SLC30A8: variants seen among roughly 807,000 people sequenced by gnomAD.
SLC30A8 encodes the protein solute carrier family 30 member 8, also known as proton-coupled zinc antiporter SLC30A8.
In SLC30A8, 27 loss-of-function variants were observed where a neutral mutation model predicts 36.9. That is an observed-to-expected ratio of 0.73 (90% CI 0.54 to 1.01). The LOEUF (loss-of-function observed/expected upper bound fraction) is 1.01, where lower values mean the gene tolerates loss of function less well. Ranked by LOEUF, SLC30A8 falls within the 50% of genes least tolerant of loss-of-function variation. The probability of loss-of-function intolerance (pLI) is 0.00; values close to 1 mark genes in which losing one functional copy is unlikely to be tolerated. For missense variants in SLC30A8, 439 were observed against 452.0 expected (o/e 0.97, Z 0.26); for synonymous variants, 164 against 172.4 (o/e 0.95, Z 0.38).
intron 1 of SLC30A8, among the ~76,000 whole-genome samples, chr8:116,954,055 T>G (rs3020110): frequency 1.2e-4 from 18 of 151,984 alleles, no homozygotes; most frequent in Admixed American, 8.5e-4. Context: ...AGTCCTAACT[T>G]AGAAATAATT....
intron 2 of SLC30A8, among the ~76,000 whole-genome samples, chr8:117,055,533 A>G (rs768597197): frequency 1.3e-4 from 20 of 152,208 alleles, no homozygotes; most frequent in Non-Finnish European, 2.5e-4. Context: ...TTTGATTTAG[A>G]TTACAAATGT....
intron 1 of SLC30A8, among the ~76,000 whole-genome samples, chr8:116,965,658 ATTAGT>A (rs1202858928): frequency 6.6e-6 from 1 of 152,140 alleles, no homozygotes; most frequent in East Asian, 1.9e-4. Flanking sequence ...CATCTTCTGA[ATTAGT>A]TTAGTTTATT....
chr8:117,015,014 A>AATAT lies in SLC30A8; in HGVS notation c.-265-24193_-265-24190dup, dbSNP rs34748748. 8.9e-3 allele frequency among the ~76,000 whole-genome samples: 1,314 copies of AATAT among 147,668 alleles called. 21 individuals carry two copies. Among genetic ancestry groups the AATAT allele is most frequent in the African/African-American group, 0.026 (1,061 of 40,352 alleles). ...CAACTATATATCTATATATATTACA[A>AATAT]ATATATATATATATAGATATACCGA... On this transcript the variant is annotated intron_variant, in intron 1 of 10. Coordinates refer to the SLC30A8 transcript ENST00000427715.
In SLC30A8 at chr8:116,978,230, T is replaced by C. The variant is rs1426144223; in HGVS notation, c.-266+27111T>C. ...TTAGCCTGGTACCTTGCATATTGTATTTTTTTTAGTCAGTGTTTGATATTA... is the reference window on the plus strand; with the variant it reads ...TTAGCCTGGTACCTTGCATATTGTACTTTTTTTAGTCAGTGTTTGATATTA... On this transcript the variant is annotated intron_variant, in intron 1 of 10. Transcript: ENST00000427715. Among the ~76,000 whole-genome samples the C allele has an allele frequency of 2.0e-5, 3 of 151,956 alleles. No individual in the cohort carries two copies. The East Asian group carries it at 5.8e-4, about 29-fold the overall frequency.
chr8:117,124,419 T>C (rs1238715766), intron 2 of SLC30A8, among the ~76,000 whole-genome samples: 1 of 151,930 alleles, frequency 6.6e-6, no homozygotes, highest in Non-Finnish European at 1.5e-5. Context: ...TGCTGATTCA[T>C]TGTTACTATT....
chr8:117,126,988 T>G (rs1449673417), intron 2 of SLC30A8, among the ~76,000 whole-genome samples: 1 of 151,960 alleles, frequency 6.6e-6, no homozygotes, highest in African/African-American at 2.4e-5. Context: ...TCCAGGTAAC[T>G]GAAGCTTACT....
At chr8:117,070,694 C>CT (rs1201153518) in intron 2 of SLC30A8, among the ~76,000 whole-genome samples, 1 of 152,166 alleles carries the variant, frequency 6.6e-6, no homozygotes, top group African/African-American at 2.4e-5. Flanking sequence ...ATTCCCCTGT[C>CT]TATCTAAAAC....
chr8:117,065,206 T>C (rs1818133186), intron 2 of SLC30A8, among the ~76,000 whole-genome samples: 2 of 152,140 alleles, frequency 1.3e-5, no homozygotes, highest in African/African-American at 2.4e-5. Flanking sequence ...GAACATTAAA[T>C]CTGGAAACAA....
chr8:116,960,365 G>C (rs1305256238), intron 1 of SLC30A8, among the ~76,000 whole-genome samples: 1 of 152,162 alleles, frequency 6.6e-6, no homozygotes, highest in Admixed American at 6.5e-5. Context: ...AAGATAGAAA[G>C]TTCAAAAGGT....
chr8:116,992,775 A>G (rs1815687414), intron 1 of SLC30A8, among the ~76,000 whole-genome samples: 2 of 152,246 alleles, frequency 1.3e-5, no homozygotes, highest in African/African-American at 2.4e-5. Context: ...GGTAATGAAC[A>G]TATCTAAGAG....
intron 2 of SLC30A8, among the ~76,000 whole-genome samples, chr8:117,079,093 C>T (rs565705024): frequency 6.6e-6 from 1 of 152,130 alleles, no homozygotes; most frequent in African/African-American, 2.4e-5. Flanking sequence ...CTTACTGCAA[C>T]TTTCGCCTCC....
At chr8:117,019,823 T>A (rs575817182) in intron 1 of SLC30A8, among the ~76,000 whole-genome samples, 1 of 152,260 alleles carries the variant, frequency 6.6e-6, no homozygotes, top group South Asian at 2.1e-4. Flanking sequence ...AAAATTAAGA[T>A]TTGTTTTGAG....
chr8:117,160,403 TTGTGTGTG>T lies in SLC30A8; in HGVS notation c.573-1310_573-1303del, dbSNP rs71569723. Among the ~76,000 whole-genome samples, 113 of 145,912 alleles carry T rather than the reference TTGTGTGTG, an allele frequency of 7.7e-4. No homozygotes were observed. In the East Asian group the frequency reaches 0.014, roughly 18 times the overall value. On this transcript the variant is annotated intron_variant, in intron 4 of 7. Coordinates refer to ENST00000456015, the MANE Select transcript of SLC30A8 (RefSeq NM_173851.3). Reference sequence around the variant, plus strand: ...ACTTATTGTAATTAGAATTTTCCACTTGTGTGTGTGTGTGTGTGTGTGTGTGTGTGTGC... The same window carrying T: ...ACTTATTGTAATTAGAATTTTCCACTTGTGTGTGTGTGTGTGTGTGTGTGC...
At chr8:117,001,297 G>T (rs1165421577) in intron 1 of SLC30A8, among the ~76,000 whole-genome samples, 1 of 145,030 alleles carries the variant, frequency 6.9e-6, no homozygotes, top group African/African-American at 2.5e-5. Context: ...GCCATTTTGA[G>T]AATACAAGGG....
rs1176302439 is a variant in SLC30A8 at position 117,161,321 on chromosome 8, G to GT, written c.573-411dup. 2.0e-5 allele frequency among the ~76,000 whole-genome samples: 3 copies of GT among 152,092 alleles called. No homozygotes were observed. In the East Asian group the frequency reaches 5.8e-4, roughly 29 times the overall value. On this transcript the variant is annotated intron_variant, in intron 4 of 7. Transcript: ENST00000456015. ...TTTTCCCTTATTTATCCCTTCCTGT[G>GT]TTTTTTGCATTTGAAACCAGTACTT...
intron 1 of SLC30A8, among the ~76,000 whole-genome samples, chr8:117,140,662 C>T (rs1394651399): frequency 6.6e-6 from 1 of 151,856 alleles, no homozygotes; most frequent in East Asian, 1.9e-4. Context: ...AAACTATATT[C>T]CTAAAATAAA....
At chr8:117,170,484 C>T (rs1823316385) in intron 6 of SLC30A8, among the ~76,000 whole-genome samples, 1 of 152,168 alleles carries the variant, frequency 6.6e-6, no homozygotes, top group African/African-American at 2.4e-5. Flanking sequence ...TAGCACAGTT[C>T]ACTAAATGAC....
chr8:117,170,663 G>A (rs1823325759), intron 6 of SLC30A8, among the ~76,000 whole-genome samples: 1 of 152,098 alleles, frequency 6.6e-6, no homozygotes, highest in Non-Finnish European at 1.5e-5. Flanking sequence ...ATTCACAATA[G>A]TTGTCGTCAG....
intron 1 of SLC30A8, among the ~76,000 whole-genome samples, chr8:116,987,576 G>T (rs1815491148): frequency 6.6e-6 from 1 of 151,868 alleles, no homozygotes; most frequent in Non-Finnish European, 1.5e-5. Flanking sequence ...AGTTCCGTCA[G>T]CTGTTTAATT....
Sources: gnomAD v4.1 joint callset for allele counts (sites outside exome capture counted in the v4.1 genomes callset) on GRCh38, gnomAD v4.1.1 for gene constraint, MANE v1.5 for transcripts, NCBI Gene and HGNC (gene_info 2026-07-23, HGNC 2026-07-21) for gene names.